Variants in ANO6 observed in about 807,000 individuals in gnomAD.
The protein encoded by ANO6 is anoctamin 6.
Under a neutral mutation model 117.5 loss-of-function variants are expected in ANO6, and 106 were observed. The observed-to-expected ratio is 0.90, with a 90% CI of 0.77 to 1.06. The LOEUF is 1.06. Among genes scored for constraint, ANO6 ranks in the 50% least tolerant of loss-of-function variants. The probability of loss-of-function intolerance (pLI) is 0.00; values close to 1 mark genes in which losing one functional copy is unlikely to be tolerated. For missense variants in ANO6, 955 were observed against 1,121.1 expected (o/e 0.85, Z 2.12); for synonymous variants, 367 against 385.1 (o/e 0.95, Z 0.55).
rs1347126104 is a variant in ANO6, at chr12:45,390,601, G to A, written c.1386+103G>A. 3.8e-6 allele frequency: 4 copies of A among 1,043,056 alleles called. No homozygotes were observed. The African/African-American group carries it at 4.8e-5, about 13-fold the overall frequency. The allele number at this position is 1,043,056 out of a possible 1,614,324, so 64.6% of individuals were successfully genotyped here. A position where few individuals can be genotyped will look rare whatever the true frequency, so the allele number is the denominator to read the frequency against. On this transcript the variant is annotated intron_variant, in intron 12 of 19. Transcript: ENST00000320560. ...AAATGTTGAGGAAACTAAATGCTGA[G>A]CCTGGAAACTATATGGTCTCAGAGA... is the stretch of plus-strand genomic sequence containing the variant.
At chr12:45,367,598 T>G in intron 8 of ANO6, 90 bp from the exon 9 acceptor site, 1 of 967,454 alleles carries the variant, frequency 1.0e-6, no homozygotes, top group Non-Finnish European at 1.6e-6. Flanking sequence ...ACAAGATCGG[T>G]TTAGTTTTGT....
In ANO6 at chr12:45,401,833, C is replaced by G. The variant is rs758084969; in HGVS notation, c.1425C>G (p.Val475=). Residue 475 remains valine (V), a synonymous_variant, in exon 13 of 20, where the codon GTC becomes GTG. Coordinates refer to ENST00000320560, the MANE Select transcript of ANO6 (RefSeq NM_001025356.3). The part of the protein sequence containing the change: ...LIIASVIGII[V]YRLSVFIVFS... ...TCGCTTCAGTTATTGGGATCATTGTCTATAGGCTCTCGGTGTTCATTGTAT... is the reference window on the plus strand; with the variant it reads ...TCGCTTCAGTTATTGGGATCATTGTGTATAGGCTCTCGGTGTTCATTGTAT... 6.2e-7 allele frequency: 1 copy of G among 1,613,888 alleles called. No individual in the cohort carries two copies. The highest frequency in any genetic ancestry group is 1.1e-5 in the South Asian group (1 of 91,052).
intron 16 of ANO6, among the ~76,000 whole-genome samples, chr12:45,414,330 A>C (rs1166608687): frequency 6.6e-6 from 1 of 152,092 alleles, no homozygotes; most frequent in Non-Finnish European, 1.5e-5. Flanking sequence ...AGTTGCTTAT[A>C]AAATTTTTCT....
chr12:45,276,751 A>G (rs2137245302), intron 1 of ANO6, among the ~76,000 whole-genome samples: 1 of 152,298 alleles, frequency 6.6e-6, no homozygotes, highest in African/African-American at 2.4e-5. Context: ...TGCATCTAGC[A>G]CGTGCCTGGC....
chr12:45,299,287 AACAG>A (rs1227390309), intron 1 of ANO6, among the ~76,000 whole-genome samples: 1 of 152,214 alleles, frequency 6.6e-6, no homozygotes, highest in Non-Finnish European at 1.5e-5. Flanking sequence ...CTCTCAGTGT[AACAG>A]ACTGTGTGGT....
intron 1 of ANO6, among the ~76,000 whole-genome samples, chr12:45,278,083 C>T (rs1159052168): frequency 6.6e-6 from 1 of 152,170 alleles, no homozygotes; most frequent in East Asian, 1.9e-4. Flanking sequence ...CACCCTCCAC[C>T]TCGTAGCTAA....
intron 1 of ANO6, among the ~76,000 whole-genome samples, chr12:45,260,260 A>G (rs748876224): frequency 9.2e-5 from 14 of 152,238 alleles, no homozygotes; most frequent in Admixed American, 3.3e-4. Flanking sequence ...GAAGATTTCC[A>G]TTATCCTTGC....
chr12:45,250,014 A>T (rs1258984948), intron 1 of ANO6, among the ~76,000 whole-genome samples: 1 of 152,220 alleles, frequency 6.6e-6, no homozygotes, highest in Admixed American at 6.5e-5. Flanking sequence ...AACTGTTCAC[A>T]CAAAAGGCTA....
chr12:45,390,146 C>A (rs1942403282), intron 11 of ANO6, among the ~76,000 whole-genome samples: 1 of 152,268 alleles, frequency 6.6e-6, no homozygotes, highest in South Asian at 2.1e-4. Flanking sequence ...CAGCTTGGCA[C>A]CATCAGACAC....
chr12:45,388,201 AC>A lies in ANO6; in HGVS notation c.1207del (p.Glu404SerfsTer26). On this transcript the variant is annotated frameshift_variant, in exon 11 of 20. Transcript: ENST00000320560. LOFTEE classifies it high-confidence loss of function. ...AGTTTTGGAAGCGACGCCAGGCAGA[AC>A]TTGAGTATGAATGGGATACTGTTGA... ...LEFWKRRQAE[L>X]EYEWDTVELQ... 1 of 1,614,076 alleles carries A rather than the reference AC, an allele frequency of 6.2e-7. No homozygotes were observed. Among genetic ancestry groups the A allele is most frequent in the Middle Eastern group, 1.6e-4 (1 of 6,062 alleles).
chr12:45,285,619 C>T (rs1938885751), intron 1 of ANO6, among the ~76,000 whole-genome samples: 1 of 151,872 alleles, frequency 6.6e-6, no homozygotes, highest in African/African-American at 2.4e-5. Context: ...GTCCCAGCTA[C>T]TCAGGAGGCT....
intron 1 of ANO6, among the ~76,000 whole-genome samples, chr12:45,252,475 C>G (rs1398185548): frequency 2.0e-5 from 3 of 152,054 alleles, no homozygotes; most frequent in African/African-American, 7.2e-5. Context: ...TTTTAAAAGT[C>G]TAGGTGGGTT....
In ANO6 at chr12:45,376,809, A is replaced by C. The variant is rs192986962; in HGVS notation, c.1105-1244A>C. On this transcript the variant is annotated intron_variant, in intron 9 of 19. Transcript: ENST00000320560. ...ATGGCACATGTATACATATGTAACTAACCTGAACAATGTGCACATGTACCC... is the reference window on the plus strand; with the variant it reads ...ATGGCACATGTATACATATGTAACTCACCTGAACAATGTGCACATGTACCC... Among the ~76,000 whole-genome samples, 7 of 152,112 alleles carry C rather than the reference A, an allele frequency of 4.6e-5. No homozygotes were observed. In the East Asian group the frequency reaches 9.6e-4, roughly 21 times the overall value.
At chr12:45,424,748 C>CA (rs769545148) in intron 19 of ANO6, among the ~76,000 whole-genome samples, 55 of 152,180 alleles carry the variant, frequency 3.6e-4, no homozygotes, top group Admixed American at 1.1e-3. Flanking sequence ...TCAAGGAGAC[C>CA]ATGCCTTGGG....
intron 17 of ANO6, among the ~76,000 whole-genome samples, chr12:45,420,098 A>G (rs1481243348): frequency 2.0e-5 from 3 of 152,034 alleles, no homozygotes; most frequent in Non-Finnish European, 4.4e-5. Flanking sequence ...CTCACACTCT[A>G]TAATGAAGCA....
chr12:45,226,439 A>T (rs1947483555), intron 1 of ANO6, among the ~76,000 whole-genome samples: 1 of 143,116 alleles, frequency 7.0e-6, no homozygotes, highest in Admixed American at 7.0e-5. Context: ...AAAAAAAGGG[A>T]CATTGGCACT....
chr12:45,241,997 G>A (rs1462195120), intron 1 of ANO6, among the ~76,000 whole-genome samples: 1 of 152,232 alleles, frequency 6.6e-6, no homozygotes, highest in Non-Finnish European at 1.5e-5. Context: ...CTACTGGAAA[G>A]CATCTCCCAG....
At chr12:45,279,839 C>G (rs1341673106) in intron 1 of ANO6, among the ~76,000 whole-genome samples, 1 of 152,200 alleles carries the variant, frequency 6.6e-6, no homozygotes, top group African/African-American at 2.4e-5. Context: ...GTTGTGGCAG[C>G]CAGTTGAAGA....
intron 1 of ANO6, among the ~76,000 whole-genome samples, chr12:45,255,440 T>A (rs1592878715): frequency 6.6e-6 from 1 of 151,934 alleles, no homozygotes; most frequent in Non-Finnish European, 1.5e-5. Flanking sequence ...GAGGCAGAGG[T>A]GGCAGCTGAG....
Sources: allele counts gnomAD v4.1 joint callset (sites outside exome capture counted in the v4.1 genomes callset), GRCh38; gene constraint gnomAD v4.1.1; transcripts MANE v1.5; gene names NCBI Gene and HGNC (gene_info 2026-07-23, HGNC 2026-07-21).